Variants in SLC44A5 observed in about 807,000 individuals in gnomAD.
SLC44A5 encodes the protein solute carrier family 44 member 5, also known as choline transporter-like protein 5.
A neutral mutation model predicts 101.8 loss-of-function variants in SLC44A5; 57 were observed. The observed-to-expected ratio is 0.56, with a 90% CI of 0.45 to 0.70. The LOEUF is 0.70. SLC44A5 is among the 30% of genes least tolerant of loss of function. The probability of loss-of-function intolerance (pLI) is 0.00; values close to 1 mark genes in which losing one functional copy is unlikely to be tolerated. For synonymous variants in SLC44A5, 281 were observed against 290.9 expected (o/e 0.97, Z 0.35); for missense variants, 737 against 853.1 (o/e 0.86, Z 1.70).
the SLC44A5 span, among the ~76,000 whole-genome samples, chr1:75,625,577 A>G: frequency 6.6e-6 from 1 of 152,272 alleles, no homozygotes; most frequent in East Asian, 1.9e-4. Context: ...TCTGGTTGCA[A>G]CTTGTCAAAT....
At chr1:75,578,735 G>A (rs1673515560) in intron 1 of SLC44A5, among the ~76,000 whole-genome samples, 1 of 151,992 alleles carries the variant, frequency 6.6e-6, no homozygotes. Flanking sequence ...GTAAAACATA[G>A]TTAATAATAA....
At chr1:75,312,953 CCTG>C in intron 4 of SLC44A5, among the ~76,000 whole-genome samples, 1 of 152,252 alleles carries the variant, frequency 6.6e-6, no homozygotes, top group Middle Eastern at 3.4e-3. Flanking sequence ...TTAAGTCACT[CCTG>C]ATTACAATTT....
chr1:75,286,552 T>C (rs749515949), intron 5 of SLC44A5, among the ~76,000 whole-genome samples: 2 of 152,154 alleles, frequency 1.3e-5, no homozygotes, highest in African/African-American at 2.4e-5. Context: ...TTCATTGTGT[T>C]ATTGTTTTAT....
At position 75,214,620 on chromosome 1, in the gene SLC44A5, A is replaced by G. The variant is rs756815554; in HGVS notation, c.1787T>C (p.Met596Thr). The G allele has an allele frequency of 3.1e-6, 5 of 1,611,828 alleles. No homozygotes were observed. Among genetic ancestry groups the G allele is most frequent in the Non-Finnish European group, 4.2e-6 (5 of 1,178,826 alleles). ...RSAKDAFNLL[M>T]RNVLKVAVTD... Reference sequence around the variant, plus strand: ...GATTACTTACTTCAAAACATTTCTCATCAGCAGATTGAAAGCATCTTTTGC... The same window carrying G: ...GATTACTTACTTCAAAACATTTCTCGTCAGCAGATTGAAAGCATCTTTTGC... Residue 596 changes from methionine to threonine, a missense_variant, in exon 20 of 24, where the codon ATG becomes ACG. By Grantham distance (81) the Met-to-Thr change is moderately conservative. Transcript: ENST00000370859.
chr1:75,457,453 A>G (rs1666250625), intron 2 of SLC44A5, among the ~76,000 whole-genome samples: 1 of 152,240 alleles, frequency 6.6e-6, no homozygotes, highest in South Asian at 2.1e-4. Flanking sequence ...TTAAAGAATA[A>G]TAATAACTAA....
intron 5 of SLC44A5, among the ~76,000 whole-genome samples, chr1:75,278,557 G>A (rs1652123916): frequency 6.6e-6 from 1 of 151,854 alleles, no homozygotes; most frequent in Non-Finnish European, 1.5e-5. Flanking sequence ...CCTTTAAAAA[G>A]GCAATAAAAT....
intron 2 of SLC44A5, among the ~76,000 whole-genome samples, chr1:75,445,527 A>G (rs1271868884): frequency 1.4e-5 from 2 of 147,868 alleles, no homozygotes; most frequent in Admixed American, 6.8e-5. Flanking sequence ...ATATATGTAT[A>G]TATTACGTAA....
At chr1:75,505,925 C>G (rs113647036) in intron 2 of SLC44A5, among the ~76,000 whole-genome samples, 6 of 152,152 alleles carry the variant, frequency 3.9e-5, no homozygotes, top group African/African-American at 1.4e-4. Flanking sequence ...AACTATTTGC[C>G]AAGACTAGTG....
intron 2 of SLC44A5, among the ~76,000 whole-genome samples, chr1:75,452,180 C>T (rs768582687): frequency 7.2e-5 from 11 of 152,096 alleles, no homozygotes; most frequent in African/African-American, 1.7e-4. Flanking sequence ...AAGGTAACTC[C>T]GTCAGTCTAA....
intron 1 of SLC44A5, among the ~76,000 whole-genome samples, chr1:75,554,874 T>C (rs1202304923): frequency 6.6e-6 from 1 of 152,068 alleles, no homozygotes; most frequent in African/African-American, 2.4e-5. Flanking sequence ...ATACATATTA[T>C]TAGCTCTAGA....
chr1:75,589,752 C>T (rs149549809), intron 1 of SLC44A5, among the ~76,000 whole-genome samples: 22 of 152,090 alleles, frequency 1.4e-4, no homozygotes, highest in African/African-American at 4.8e-4. Flanking sequence ...TCTGTGTGCT[C>T]GGGGAGAGAG....
chr1:75,402,019 G>A (rs1662511821), intron 2 of SLC44A5, among the ~76,000 whole-genome samples: 1 of 152,140 alleles, frequency 6.6e-6, no homozygotes, highest in Admixed American at 6.5e-5. Flanking sequence ...ACCTCACCAA[G>A]AGTGAAGAAA....
chr1:75,692,955 A>G, the SLC44A5 span, among the ~76,000 whole-genome samples: 6 of 152,196 alleles, frequency 3.9e-5, no homozygotes, highest in East Asian at 1.2e-3. Context: ...ATAGTGAAGG[A>G]AAAAGGGGCA....
At chr1:75,447,575 G>A (rs1665661483) in intron 2 of SLC44A5, among the ~76,000 whole-genome samples, 1 of 152,086 alleles carries the variant, frequency 6.6e-6, no homozygotes, top group African/African-American at 2.4e-5. Flanking sequence ...TGAATACTGA[G>A]TCTGGATTCT....
chr1:75,272,049 C>T (rs1268830592), intron 6 of SLC44A5, among the ~76,000 whole-genome samples: 1 of 152,042 alleles, frequency 6.6e-6, no homozygotes, highest in Admixed American at 6.6e-5. Context: ...TTTTAATTTG[C>T]ATTTCCCTGA....
At chr1:75,640,264 G>C in the SLC44A5 span, among the ~76,000 whole-genome samples, 2 of 152,020 alleles carry the variant, frequency 1.3e-5, no homozygotes, top group African/African-American at 4.8e-5. Flanking sequence ...AGCTTGGATG[G>C]TTGGACCAGC....
chr1:75,586,301 G>T (rs961943111), intron 1 of SLC44A5, among the ~76,000 whole-genome samples: 1 of 151,950 alleles, frequency 6.6e-6, no homozygotes, highest in Non-Finnish European at 1.5e-5. Context: ...GCAGACAGTA[G>T]ATAGGGGATT....
At chr1:75,629,392 A>G in the SLC44A5 span, among the ~76,000 whole-genome samples, 1 of 152,240 alleles carries the variant, frequency 6.6e-6, no homozygotes, top group African/African-American at 2.4e-5. Context: ...CTCCATGTTG[A>G]TTAGAAGAAA....
chr1:75,361,789 A>G (rs574372318), intron 3 of SLC44A5, among the ~76,000 whole-genome samples: 3 of 152,014 alleles, frequency 2.0e-5, no homozygotes, highest in Non-Finnish European at 4.4e-5. Context: ...TTTATCAGAG[A>G]TAATGGCCTG....
Sources: allele counts gnomAD v4.1 joint callset (sites outside exome capture counted in the v4.1 genomes callset), GRCh38; gene constraint gnomAD v4.1.1; transcripts MANE v1.5; gene names NCBI Gene and HGNC (gene_info 2026-07-23, HGNC 2026-07-21).